CRPPA: variants seen among roughly 807,000 people sequenced by gnomAD.
CRPPA encodes the protein CDP-L-ribitol pyrophosphorylase A, also known as D-ribitol-5-phosphate cytidylyltransferase.
Under a neutral mutation model 52.0 loss-of-function variants are expected in CRPPA, and 43 were observed. That is an observed-to-expected ratio of 0.83 (90% CI 0.65 to 1.07). CRPPA has a LOEUF of 1.07. Among genes scored for constraint, CRPPA ranks in the 50% least tolerant of loss-of-function variants. The pLI is 0.00. For missense variants in CRPPA, 629 were observed against 551.7 expected (o/e 1.14, Z -1.40); for synonymous variants, 250 against 203.5 (o/e 1.23, Z -1.94).
chr7:16,289,006 G>A (rs1784505762), intron 5 of CRPPA, among the ~76,000 whole-genome samples: 1 of 151,454 alleles, frequency 6.6e-6, no homozygotes, highest in Non-Finnish European at 1.5e-5. Flanking sequence ...AATAAAGTGA[G>A]AAACAAACAA....
intron 9 of CRPPA, among the ~76,000 whole-genome samples, chr7:16,182,928 A>G (rs1483886132): frequency 6.6e-6 from 1 of 152,198 alleles, no homozygotes; most frequent in Non-Finnish European, 1.5e-5. Flanking sequence ...GGCCCAAGAA[A>G]AGTCTATCTG....
chr7:16,400,665 T>C (rs1209168169), intron 2 of CRPPA, among the ~76,000 whole-genome samples: 1 of 152,102 alleles, frequency 6.6e-6, no homozygotes, highest in Admixed American at 6.5e-5. Flanking sequence ...CACGTGTCCA[T>C]AACCAACTTG....
At chr7:16,294,924 T>C (rs1452469286) in intron 5 of CRPPA, among the ~76,000 whole-genome samples, 4 of 152,022 alleles carry the variant, frequency 2.6e-5, no homozygotes, top group Non-Finnish European at 5.9e-5. Context: ...ACAAACAATC[T>C]TGCACTTCAA....
chr7:16,167,527 C>T (rs1167876871), intron 9 of CRPPA, among the ~76,000 whole-genome samples: 2 of 152,140 alleles, frequency 1.3e-5, no homozygotes, highest in South Asian at 2.1e-4. Flanking sequence ...GTCCAAATTG[C>T]CAGGTCCATT....
chr7:16,317,666 T>C (rs1174307284), intron 3 of CRPPA, among the ~76,000 whole-genome samples: 3 of 152,120 alleles, frequency 2.0e-5, no homozygotes, highest in Non-Finnish European at 4.4e-5. Context: ...GGACACAGGG[T>C]TTTTTCCATA....
chr7:16,238,401 G>T (rs1009148111), intron 8 of CRPPA, among the ~76,000 whole-genome samples: 2 of 152,086 alleles, frequency 1.3e-5, no homozygotes, highest in Non-Finnish European at 2.9e-5. Flanking sequence ...AGTTTAAAAT[G>T]AATTGGTAAG....
chr7:16,383,436 G>T (rs1328171865), intron 2 of CRPPA, among the ~76,000 whole-genome samples: 8 of 152,152 alleles, frequency 5.3e-5, no homozygotes, highest in African/African-American at 1.9e-4. Context: ...CTGCTTGGGG[G>T]TCAGGGGTCA....
At position 16,376,233 on chromosome 7, in the gene CRPPA, T is replaced by G; in HGVS notation, c.543A>C (p.Gly181=). The G allele has an allele frequency of 1.9e-6, 3 of 1,599,338 alleles. No individual in the cohort carries two copies. The highest frequency in any genetic ancestry group is 2.6e-6 in the Non-Finnish European group (3 of 1,174,502). ...CAGTAGATACAAGAGGTCGAATGGC[T>G]CCTGCTGCCTGAAGAACAAAGAGGC... is the stretch of plus-strand genomic sequence containing the variant. ...VTAAKEHGAA[G]AIRPLVSTVV... is the part of the protein sequence containing the mutation. The change falls in exon 3 of 10, where the codon GGA becomes GGC. Residue 181 remains glycine, a synonymous_variant. Transcript: ENST00000407010.
chr7:16,307,193 T>C (rs1300465237), intron 4 of CRPPA, among the ~76,000 whole-genome samples: 1 of 152,192 alleles, frequency 6.6e-6, no homozygotes, highest in Non-Finnish European at 1.5e-5. Flanking sequence ...AAAGCAGCAA[T>C]ATGTATTTCA....
At chr7:16,117,308 T>A (rs1782394917) in intron 9 of CRPPA, among the ~76,000 whole-genome samples, 1 of 152,188 alleles carries the variant, frequency 6.6e-6, no homozygotes, top group South Asian at 2.1e-4. Context: ...GCATCAGGGG[T>A]GAGTTCTCTT....
chr7:16,117,573 G>C (rs79021554), intron 9 of CRPPA, among the ~76,000 whole-genome samples: 49,652 of 151,800 alleles, frequency 0.33, 9,487 homozygotes, highest in South Asian at 0.55. Flanking sequence ...CACACCTTGC[G>C]GGAGCTACGT....
chr7:16,089,903 A>AG lies in CRPPA; in HGVS notation c.*1791dup, dbSNP rs1320275600. 1 of 159,432 alleles carries AG rather than the reference A, an allele frequency of 6.3e-6. No homozygotes were observed. Among genetic ancestry groups the AG allele is most frequent in the Non-Finnish European group, 1.4e-5 (1 of 71,820 alleles). 9.9% of individuals were successfully genotyped at this position (159,432 alleles called of 1,614,324 possible). The stretch of plus-strand genomic sequence containing the variant: ...GCCCAGTTTACTGCATTCTTCTTCA[A>AG]GGCACTTACCCTCTCTTTAAAGCCT... On this transcript the variant is annotated 3_prime_UTR_variant, in exon 10 of 10. Transcript: ENST00000407010.
In CRPPA at chr7:16,159,010, C is replaced by T. The variant is rs138500021; in HGVS notation, c.1251+57056G>A. Among the ~76,000 whole-genome samples the T allele has an allele frequency of 7.1e-3, 1,083 of 152,266 alleles. 14 individuals carry two copies. Among genetic ancestry groups the T allele is most frequent in the African/African-American group, 0.025 (1,036 of 41,546 alleles). ...AAACCGAACTGATTTCCATAAAATA[C>T]GTGACAATTTCCATTTAACTTGCCT... On this transcript the variant is annotated intron_variant, in intron 9 of 9. Coordinates refer to ENST00000407010, the MANE Select transcript of CRPPA (RefSeq NM_001101426.4).
chr7:16,324,472 G>C (rs1406833859), intron 3 of CRPPA, among the ~76,000 whole-genome samples: 1 of 152,232 alleles, frequency 6.6e-6, no homozygotes, highest in Non-Finnish European at 1.5e-5. Flanking sequence ...TGGGCCAGCA[G>C]AGAATGTAAT....
chr7:16,227,517 A>G (rs989552337), intron 8 of CRPPA, among the ~76,000 whole-genome samples: 8 of 151,802 alleles, frequency 5.3e-5, no homozygotes, highest in African/African-American at 1.9e-4. Flanking sequence ...CCTATTGGCC[A>G]TCTATTTCCT....
chr7:16,169,379 T>G (rs1180922432), intron 9 of CRPPA, among the ~76,000 whole-genome samples: 2 of 152,218 alleles, frequency 1.3e-5, no homozygotes, highest in Admixed American at 6.5e-5. Flanking sequence ...TTTGTTTACC[T>G]TTACATTCTG....
Position 16,309,249 on chromosome 7 carries a change from C to T in CRPPA, c.685-622G>A, listed in dbSNP as rs1429626676. Among the ~76,000 whole-genome samples the T allele has an allele frequency of 3.3e-5, 5 of 152,104 alleles. No homozygotes were observed. In the East Asian group the frequency reaches 7.7e-4, roughly 23 times the overall value. On this transcript the variant is annotated intron_variant, in intron 3 of 9. Coordinates refer to ENST00000407010, the MANE Select transcript of CRPPA (RefSeq NM_001101426.4). Reference sequence around the variant, plus strand: ...CCACTAAAATAACCAAGTAATAATACAATTCAGCTGAACAGTACTCAGGGT... The same window carrying T: ...CCACTAAAATAACCAAGTAATAATATAATTCAGCTGAACAGTACTCAGGGT...
chr7:16,279,985 CGTCTGCTTATG>C (rs1234948892), intron 5 of CRPPA, among the ~76,000 whole-genome samples: 1 of 152,214 alleles, frequency 6.6e-6, no homozygotes, highest in African/African-American at 2.4e-5. Context: ...AGCAGACATG[CGTCTGCTTATG>C]CAGGGAAGAG....
At chr7:16,111,587 C>G (rs1327041395) in intron 9 of CRPPA, among the ~76,000 whole-genome samples, 2 of 152,146 alleles carry the variant, frequency 1.3e-5, no homozygotes, top group Non-Finnish European at 2.9e-5. Context: ...AGAATACTAT[C>G]AACCTTTAAA....
Sources: gnomAD v4.1 joint callset for allele counts (sites outside exome capture counted in the v4.1 genomes callset) on GRCh38, gnomAD v4.1.1 for gene constraint, MANE v1.5 for transcripts, NCBI Gene and HGNC (gene_info 2026-07-23, HGNC 2026-07-21) for gene names.